CCDC178: variants seen among roughly 807,000 people sequenced by gnomAD.
CCDC178 encodes coiled-coil domain-containing protein 178.
In CCDC178, 126 loss-of-function variants were observed where a neutral mutation model predicts 117.4. The observed-to-expected ratio is 1.07, with a 90% CI of 0.93 to 1.24. CCDC178 has a LOEUF of 1.24. Ranked by LOEUF, CCDC178 falls within the 50% of genes most tolerant of loss-of-function variation. CCDC178 has a pLI of 0.00. For synonymous variants in CCDC178, 283 were observed against 313.4 expected (o/e 0.90, Z 1.02); for missense variants, 1,030 against 986.9 (o/e 1.04, Z -0.59).
intron 12 of CCDC178, among the ~76,000 whole-genome samples, chr18:33,285,602 G>A (rs969844682): frequency 6.6e-6 from 1 of 152,056 alleles, no homozygotes; most frequent in Admixed American, 6.5e-5. Flanking sequence ...AAACTCAGCA[G>A]TAAATTAAAA....
At chr18:33,407,114 G>A (rs1833487819) in intron 3 of CCDC178, among the ~76,000 whole-genome samples, 1 of 152,142 alleles carries the variant, frequency 6.6e-6, no homozygotes, top group African/African-American at 2.4e-5. Flanking sequence ...ATCTGGAGCA[G>A]AGTACATCCA....
chr18:33,057,107 T>C (rs2056843771), intron 21 of CCDC178, among the ~76,000 whole-genome samples: 1 of 152,082 alleles, frequency 6.6e-6, no homozygotes, highest in African/African-American at 2.4e-5. Context: ...TATTCAGTCA[T>C]GTAGTGAAAG....
At chr18:32,957,443 C>T (rs1359839325) in intron 22 of CCDC178, among the ~76,000 whole-genome samples, 4 of 152,012 alleles carry the variant, frequency 2.6e-5, no homozygotes, top group Non-Finnish European at 4.4e-5. Context: ...CTATCTTGCT[C>T]AAAACAGTGG....
rs191068335 is a variant in CCDC178 at position 33,231,182 on chromosome 18, G to A, written c.1594-4327C>T. Among the ~76,000 whole-genome samples, 64 of 152,266 alleles carry A rather than the reference G, an allele frequency of 4.2e-4. No homozygotes were observed. The East Asian group carries it at 0.012, about 28-fold the overall frequency. On this transcript the variant is annotated intron_variant, in intron 15 of 22. Transcript: ENST00000383096. ...TGAGACAAACATAGACCATGTGCTTGTGGACACAATATTATATTATTGTAA... is the reference window on the plus strand; with the variant it reads ...TGAGACAAACATAGACCATGTGCTTATGGACACAATATTATATTATTGTAA...
At chr18:33,250,272 A>AT (rs2059604956) in intron 14 of CCDC178, among the ~76,000 whole-genome samples, 1 of 151,786 alleles carries the variant, frequency 6.6e-6, no homozygotes, top group African/African-American at 2.4e-5. Flanking sequence ...ATAGTAATTT[A>AT]TTTTTTGCAA....
At chr18:33,287,968 C>G (rs2144854194) in intron 12 of CCDC178, among the ~76,000 whole-genome samples, 1 of 152,116 alleles carries the variant, frequency 6.6e-6, no homozygotes, top group South Asian at 2.1e-4. Context: ...CAAATTTCAG[C>G]ATGATTATTA....
intron 21 of CCDC178, among the ~76,000 whole-genome samples, chr18:33,057,391 G>A (rs924906296): frequency 2.6e-5 from 4 of 152,176 alleles, no homozygotes; most frequent in Non-Finnish European, 5.9e-5. Flanking sequence ...GCACTGTTGG[G>A]TTGTGAAGTC....
At chr18:33,217,652 T>G (rs564018152) in intron 18 of CCDC178, among the ~76,000 whole-genome samples, 2 of 152,202 alleles carry the variant, frequency 1.3e-5, no homozygotes, top group South Asian at 4.1e-4. Flanking sequence ...ATTTGTATTT[T>G]AGTTATTTCT....
In CCDC178 at chr18:33,092,842, T is replaced by G; in HGVS notation, c.2307A>C (p.Thr769=). ...LAQEYQQLQI[T]FLKEKDNYFN... Reference sequence around the variant, plus strand: ...AATAATTGTCCTTTTCTTTTAAGAATGTAATCTGTAGCTGTTGATACTCTT... The same window carrying G: ...AATAATTGTCCTTTTCTTTTAAGAAGGTAATCTGTAGCTGTTGATACTCTT... Residue 769 remains threonine, a synonymous_variant, in exon 21 of 23, where the codon ACA becomes ACC. Coordinates refer to ENST00000383096, the MANE Select transcript of CCDC178 (RefSeq NM_001105528.4). The G allele has an allele frequency of 1.3e-6, 2 of 1,583,982 alleles. No homozygotes were observed. The highest frequency in any genetic ancestry group is 2.3e-5 in the East Asian group (1 of 44,262).
At chr18:32,939,442 A>G (rs1311013437) in intron 22 of CCDC178, among the ~76,000 whole-genome samples, 1 of 152,176 alleles carries the variant, frequency 6.6e-6, no homozygotes, top group Admixed American at 6.5e-5. Context: ...GTCAAGTTAT[A>G]TAAGAAGTCC....
chr18:33,073,777 T>C (rs2057156349), intron 21 of CCDC178, among the ~76,000 whole-genome samples: 1 of 152,030 alleles, frequency 6.6e-6, no homozygotes, highest in South Asian at 2.1e-4. Flanking sequence ...ATGGCAGAAA[T>C]AAACCATGAA....
intron 5 of CCDC178, among the ~76,000 whole-genome samples, chr18:33,388,554 C>T (rs532166654): frequency 8.7e-5 from 7 of 80,004 alleles, no homozygotes; most frequent in Non-Finnish European, 6.5e-5. Context: ...GAGTCTCGCT[C>T]TGTCGCCCAG....
At chr18:33,065,395 A>G (rs2056994610) in intron 21 of CCDC178, among the ~76,000 whole-genome samples, 1 of 152,206 alleles carries the variant, frequency 6.6e-6, no homozygotes. Context: ...TATAATAATA[A>G]AAAGAAAAAG....
chr18:33,357,686 C>G (rs138364812), intron 6 of CCDC178, among the ~76,000 whole-genome samples: 1 of 151,974 alleles, frequency 6.6e-6, no homozygotes, highest in Non-Finnish European at 1.5e-5. Flanking sequence ...CATAAATTAT[C>G]AAAAATGCAA....
chr18:33,284,711 C>T (rs1398988842), intron 12 of CCDC178, among the ~76,000 whole-genome samples: 1 of 151,984 alleles, frequency 6.6e-6, no homozygotes, highest in Non-Finnish European at 1.5e-5. Context: ...ATAATGAATC[C>T]CATCAGATTT....
At chr18:33,314,803 C>G (rs1215468935) in intron 11 of CCDC178, among the ~76,000 whole-genome samples, 1 of 152,108 alleles carries the variant, frequency 6.6e-6, no homozygotes, top group Middle Eastern at 3.2e-3. Flanking sequence ...CTTAATGTTA[C>G]CAGGAGTGAT....
chr18:32,973,436 T>C (rs547929557), intron 22 of CCDC178, among the ~76,000 whole-genome samples: 48 of 152,226 alleles, frequency 3.2e-4, no homozygotes, highest in African/African-American at 1.1e-3. Context: ...CAATTGTAGT[T>C]TGTACTCAAG....
intron 21 of CCDC178, among the ~76,000 whole-genome samples, chr18:32,993,674 G>C (rs1789006106): frequency 1.3e-5 from 2 of 152,098 alleles, no homozygotes; most frequent in Admixed American, 6.5e-5. Context: ...GTTTATTTCA[G>C]GTGTATTGTA....
rs71159804 is a variant in CCDC178, at chr18:33,179,078, A to AAAAAATATAT, written c.2238+32817_2238+32818insATATATTTTT. 2.0e-4 allele frequency among the ~76,000 whole-genome samples: 11 copies of AAAAAATATAT among 55,814 alleles called. 2 individuals are homozygous for AAAAAATATAT. The highest frequency in any genetic ancestry group is 6.8e-4 in the African/African-American group (6 of 8,840). The allele number at this position is 55,814 out of a possible 152,430, so 36.6% of individuals were successfully genotyped here. ...ACTCAGTAAAAAAAAAAAAAAAAAA[A>AAAAAATATAT]ATATATATATATATATATATATATA... On this transcript the variant is annotated intron_variant, in intron 20 of 22. Coordinates refer to ENST00000383096, the MANE Select transcript of CCDC178 (RefSeq NM_001105528.4).
Sources: allele counts gnomAD v4.1 joint callset (sites outside exome capture counted in the v4.1 genomes callset), GRCh38; gene constraint gnomAD v4.1.1; transcripts MANE v1.5; gene names NCBI Gene and HGNC (gene_info 2026-07-23, HGNC 2026-07-21).